Variants in ADAMTSL1 observed in about 807,000 individuals in gnomAD.
ADAMTSL1 encodes the protein ADAMTS like 1.
A neutral mutation model predicts 201.8 loss-of-function variants in ADAMTSL1; 126 were observed. The observed-to-expected ratio is 0.62, with a 90% CI of 0.54 to 0.72. ADAMTSL1 has a LOEUF of 0.72. Ranked by LOEUF, ADAMTSL1 falls within the 30% of genes least tolerant of loss-of-function variation. The pLI is 0.00. For synonymous variants in ADAMTSL1, 1,121 were observed against 903.4 expected (o/e 1.24, Z -4.32); for missense variants, 2,679 against 2,277.8 (o/e 1.18, Z -3.59).
At chr9:17,983,049 CTT>C (rs1818777521) in intron 1 of ADAMTSL1, among the ~76,000 whole-genome samples, 1 of 107,090 alleles carries the variant, frequency 9.3e-6, no homozygotes, top group South Asian at 2.9e-4. Flanking sequence ...TTTTCATTTT[CTT>C]TTTCTTTTCT....
At chr9:18,135,979 C>A (rs1244317561) in intron 1 of ADAMTSL1, among the ~76,000 whole-genome samples, 1 of 152,116 alleles carries the variant, frequency 6.6e-6, no homozygotes, top group Non-Finnish European at 1.5e-5. Context: ...GAATCCAAGG[C>A]ACAGATTAGT....
At chr9:18,480,653 C>T (rs1222879110) in intron 1 of ADAMTSL1, among the ~76,000 whole-genome samples, 1 of 152,176 alleles carries the variant, frequency 6.6e-6, no homozygotes, top group Admixed American at 6.5e-5. Context: ...AGATGCTATA[C>T]ATGCCAGTAC....
In ADAMTSL1 at chr9:17,965,116, A is replaced by G. The variant is rs146873454; in HGVS notation, c.87+58194A>G. 1.1e-3 allele frequency among the ~76,000 whole-genome samples: 161 copies of G among 152,326 alleles called. 3 individuals are homozygous for G. The East Asian group carries it at 0.026, about 25-fold the overall frequency. On this transcript the variant is annotated intron_variant, in intron 1 of 29. Transcript: ENST00000680146. Reference sequence around the variant, plus strand: ...ACATATAATGGACAACCTGGAAATTAAATAGAATGAAGATAGAGTAAAACT... The same window carrying G: ...ACATATAATGGACAACCTGGAAATTGAATAGAATGAAGATAGAGTAAAACT...
intron 1 of ADAMTSL1, among the ~76,000 whole-genome samples, chr9:17,908,030 T>C (rs979523043): frequency 1.3e-5 from 2 of 152,180 alleles, no homozygotes; most frequent in African/African-American, 4.8e-5. Context: ...CAACTTGTTT[T>C]CCGATCTCTA....
chr9:18,248,707 G>T (rs546897065), intron 2 of ADAMTSL1, among the ~76,000 whole-genome samples: 1 of 152,264 alleles, frequency 6.6e-6, no homozygotes, highest in Admixed American at 6.5e-5. Flanking sequence ...ATCGTCCATT[G>T]CGGGGGGCCA....
chr9:18,225,234 C>T (rs1450475277), intron 2 of ADAMTSL1, among the ~76,000 whole-genome samples: 4 of 152,116 alleles, frequency 2.6e-5, no homozygotes, highest in South Asian at 2.1e-4. Flanking sequence ...TGAAACATAC[C>T]TTCCTCTAAA....
At chr9:18,562,970 T>C (rs1353668787) in intron 3 of ADAMTSL1, among the ~76,000 whole-genome samples, 2 of 152,220 alleles carry the variant, frequency 1.3e-5, no homozygotes, top group Admixed American at 1.3e-4. Flanking sequence ...CATGCTCCTT[T>C]AGCTCAGAGG....
At chr9:18,766,130 C>T (rs536677844) in intron 16 of ADAMTSL1, among the ~76,000 whole-genome samples, 15 of 152,184 alleles carry the variant, frequency 9.9e-5, no homozygotes, top group Non-Finnish European at 2.1e-4. Context: ...GTGTACAACG[C>T]TTCTCTTGCT....
At chr9:18,499,771 G>T (rs1822734545) in intron 1 of ADAMTSL1, among the ~76,000 whole-genome samples, 1 of 152,076 alleles carries the variant, frequency 6.6e-6, no homozygotes, top group Non-Finnish European at 1.5e-5. Context: ...AGCCCATTTT[G>T]TTACTTCTGA....
At chr9:18,227,414 A>G (rs1253242770) in intron 2 of ADAMTSL1, among the ~76,000 whole-genome samples, 1 of 152,190 alleles carries the variant, frequency 6.6e-6, no homozygotes, top group East Asian at 1.9e-4. Context: ...CAGTAGAGGT[A>G]CATTCAGAGT....
In ADAMTSL1 at chr9:18,166,150, A is replaced by G. The variant is rs75827719; in HGVS notation, c.207+2169A>G. On this transcript the variant is annotated intron_variant, in intron 2 of 29. Coordinates refer to the ADAMTSL1 transcript ENST00000680146. The stretch of plus-strand genomic sequence containing the variant: ...ATGTCTTCCCTAGTATCCCAAAGAC[A>G]TTTATGCACACGTTTCACCTCCCCT... Among the ~76,000 whole-genome samples, 747 of 152,038 alleles carry G rather than the reference A, an allele frequency of 4.9e-3. 11 individuals are homozygous for G. The highest frequency in any genetic ancestry group is 0.017 in the African/African-American group (718 of 41,520).
intron 1 of ADAMTSL1, among the ~76,000 whole-genome samples, chr9:18,128,446 T>G (rs1016965784): frequency 3.3e-5 from 5 of 152,246 alleles, no homozygotes; most frequent in African/African-American, 1.2e-4. Flanking sequence ...CACTGCAGCC[T>G]CGACTTCCCA....
In ADAMTSL1 at chr9:18,753,382, T is replaced by C. The variant is rs1172660314; in HGVS notation, c.2091T>C (p.Leu697=). 1.9e-6 allele frequency: 3 copies of C among 1,612,786 alleles called. No individual in the cohort carries two copies. The South Asian group carries it at 3.3e-5, about 18-fold the overall frequency. The change falls in exon 16 of 29, where the codon CTT becomes CTC. Residue 697 remains leucine, a synonymous_variant. Coordinates refer to ENST00000380548, the MANE Select transcript of ADAMTSL1 (RefSeq NM_001040272.6). The part of the protein sequence containing the change: ...QTRDVFCSHL[L]SREMNETVIL... ...GAGACGTCTTCTGCAGCCACCTGCT[T>C]TCCAGAGAGATGAATGAAACAGTCA...
At chr9:18,483,908 A>G (rs1821857492) in intron 1 of ADAMTSL1, among the ~76,000 whole-genome samples, 1 of 152,252 alleles carries the variant, frequency 6.6e-6, no homozygotes. Context: ...TGGCAAGAAC[A>G]GAGAACTAAA....
intron 2 of ADAMTSL1, among the ~76,000 whole-genome samples, chr9:18,449,672 A>G (rs576108699): frequency 7.9e-5 from 12 of 152,314 alleles, no homozygotes; most frequent in African/African-American, 2.9e-4. Context: ...AAGACCTCTC[A>G]CAACTCAGTA....
intron 21 of ADAMTSL1, among the ~76,000 whole-genome samples, chr9:18,821,903 G>C (rs980851083): frequency 6.6e-5 from 10 of 152,174 alleles, no homozygotes; most frequent in African/African-American, 2.2e-4. Context: ...TTTTAAAAAA[G>C]AATATTTTAG....
intron 2 of ADAMTSL1, among the ~76,000 whole-genome samples, chr9:18,235,453 T>G (rs1769059116): frequency 1.3e-5 from 2 of 152,216 alleles, no homozygotes; most frequent in Non-Finnish European, 2.9e-5. Context: ...ATGTTACTAC[T>G]TCCACCCTCC....
intron 1 of ADAMTSL1, among the ~76,000 whole-genome samples, chr9:18,120,950 C>G (rs192497474): frequency 6.6e-6 from 1 of 152,208 alleles, no homozygotes; most frequent in East Asian, 1.9e-4. Context: ...TATATAGACT[C>G]TACACAGAAA....
At chr9:18,671,802 C>G (rs976174103) in intron 9 of ADAMTSL1, among the ~76,000 whole-genome samples, 80 of 152,002 alleles carry the variant, frequency 5.3e-4, no homozygotes, top group African/African-American at 1.8e-3. Context: ...TGTGAGGAGG[C>G]CAAGGTGGGC....
Sources: allele counts gnomAD v4.1 joint callset (sites outside exome capture counted in the v4.1 genomes callset), GRCh38; gene constraint gnomAD v4.1.1; transcripts MANE v1.5; gene names NCBI Gene and HGNC (gene_info 2026-07-23, HGNC 2026-07-21).